CNTRL: variants seen among roughly 807,000 people sequenced by gnomAD.
CNTRL encodes the protein 110 kDa centrosomal protein.
CNTRL carries 233 observed loss-of-function variants against 303.7 expected under a neutral mutation model. The observed-to-expected ratio is 0.77, with a 90% CI of 0.69 to 0.86. The LOEUF is 0.86. Ranked by LOEUF, CNTRL falls within the 40% of genes least tolerant of loss-of-function variation. CNTRL has a pLI of 0.00. For synonymous variants in CNTRL, 900 were observed against 922.2 expected (o/e 0.98, Z 0.44); for missense variants, 2,524 against 2,650.6 (o/e 0.95, Z 1.05).
intron 28 of CNTRL, 56 bp downstream of exon 28, chr9:121,157,656 T>C: frequency 6.2e-7 from 1 of 1,605,676 alleles, no homozygotes; most frequent in Non-Finnish European, 8.5e-7. Flanking sequence ...AAAAGTTTGC[T>C]TCTAAGGGGA....
intron 40 of CNTRL, 112 bp downstream of exon 40, chr9:121,171,660 A>G: frequency 9.1e-7 from 1 of 1,101,616 alleles, no homozygotes; most frequent in Non-Finnish European, 1.2e-6. Flanking sequence ...AAAGCTGATT[A>G]TAAGAATGTT....
chr9:121,098,481 T>G lies in CNTRL; in HGVS notation c.717T>G (p.Phe239Leu), dbSNP rs761555576. Residue 239 changes from phenylalanine to leucine, a missense_variant, in exon 7 of 44, where the codon TTT becomes TTG. Transcript: ENST00000373855. ...TGACCCTTCCTCATTACCTCCAGTTTACCATTTTCCACCTCCGTTCATTGG... is the reference window on the plus strand; with the variant it reads ...TGACCCTTCCTCATTACCTCCAGTTGACCATTTTCCACCTCCGTTCATTGG... ...PVVTLPHYLQ[F>L]TIFHLRSLES... 6.2e-7 allele frequency: 1 copy of G among 1,613,910 alleles called. No individual in the cohort carries two copies. Among genetic ancestry groups the G allele is most frequent in the Admixed American group, 1.7e-5 (1 of 60,024 alleles).
At position 121,171,515 on chromosome 9, in the gene CNTRL, G is replaced by T. The variant is rs144962521; in HGVS notation, c.6384G>T (p.Gln2128His). ...RARRLMKELN[Q>H]MQYEYTELKK... is the part of the protein sequence containing the mutation. Reference sequence around the variant, plus strand: ...GGCGCCTGATGAAGGAGCTCAACCAGATGCAGTATGAGTACACGGAGCTCA... The same window carrying T: ...GGCGCCTGATGAAGGAGCTCAACCATATGCAGTATGAGTACACGGAGCTCA... The change falls in exon 40 of 44, where the codon CAG becomes CAT. Residue 2128 changes from glutamine to histidine, a missense_variant. By Grantham distance (24) the Gln-to-His change is conservative. Coordinates refer to ENST00000373855, the MANE Select transcript of CNTRL (RefSeq NM_007018.6). The T allele has an allele frequency of 8.3e-4, 1,346 of 1,613,994 alleles. 23 individuals are homozygous for T. In the African/African-American group the frequency reaches 0.016, roughly 19 times the overall value.
At chr9:121,123,394 A>G (rs1342707060) in intron 12 of CNTRL, among the ~76,000 whole-genome samples, 1 of 152,174 alleles carries the variant, frequency 6.6e-6, no homozygotes, top group South Asian at 2.1e-4. Flanking sequence ...AGCCTGGCCA[A>G]CATGGTGAAA....
In CNTRL at chr9:121,161,927, C is replaced by G. The variant is rs1344650091; in HGVS notation, c.5161C>G (p.Gln1721Glu). ...ELQGLKLQHD[Q>E]RVSELEKTQV... ...ACAAGGTTTGAAGCTACAACATGAC[C>G]AAAGGGTATCTGAATTAGAGAAGAC... Residue 1721 changes from glutamine (Q) to glutamate (E), a missense_variant, in exon 33 of 44, where the codon CAA (glutamine) becomes GAA (glutamate). Transcript: ENST00000373855. The G allele has an allele frequency of 6.2e-7, 1 of 1,614,096 alleles. No individual in the cohort carries two copies.
At chr9:121,122,304 T>G in intron 12 of CNTRL, 1 of 574,594 alleles carries the variant, frequency 1.7e-6, no homozygotes, top group Non-Finnish European at 2.2e-6. Context: ...ATTTTGGGAG[T>G]GTAGGGAAAA....
intron 2 of CNTRL, among the ~76,000 whole-genome samples, chr9:121,081,410 ACTGT>A (rs2048136439): frequency 6.6e-6 from 1 of 152,200 alleles, no homozygotes; most frequent in East Asian, 1.9e-4. Flanking sequence ...CAATTCTGAC[ACTGT>A]CTGCCTGAAG....
At chr9:121,138,299 T>G (rs2051306941) in intron 15 of CNTRL, among the ~76,000 whole-genome samples, 1 of 152,148 alleles carries the variant, frequency 6.6e-6, no homozygotes, top group Non-Finnish European at 1.5e-5. Context: ...CCCCTGAAGA[T>G]TCTGATTTGG....
chr9:121,161,316 G>T, intron 32 of CNTRL: 1 of 425,536 alleles, frequency 2.3e-6, no homozygotes, highest in South Asian at 6.9e-5. Context: ...TCTATGATCA[G>T]AAAAAAAGTT....
intron 12 of CNTRL, chr9:121,121,709 C>T: frequency 2.3e-6 from 2 of 857,732 alleles, no homozygotes; most frequent in Non-Finnish European, 1.4e-6. Flanking sequence ...TGATTTAACT[C>T]GCGGAGGGTG....
At position 121,135,843 on chromosome 9, in the gene CNTRL, A is replaced by G; in HGVS notation, c.2063A>G (p.His688Arg). The change falls in exon 15 of 44, where the codon CAT becomes CGT. Residue 688 changes from histidine to arginine, a missense_variant. His to Arg is a conservative substitution (Grantham distance 29). Coordinates refer to ENST00000373855, the MANE Select transcript of CNTRL (RefSeq NM_007018.6). Reference sequence around the variant, plus strand: ...CTAGAAAGTGCCCTCCAAGAGCAGCATGAGGTGAATGCATCTTTGCAGCAG... The same window carrying G: ...CTAGAAAGTGCCCTCCAAGAGCAGCGTGAGGTGAATGCATCTTTGCAGCAG... ...AELESALQEQ[H>R]EVNASLQQTQ... 1 of 1,613,946 alleles carries G rather than the reference A, an allele frequency of 6.2e-7. No individual in the cohort carries two copies. The highest frequency in any genetic ancestry group is 8.5e-7 in the Non-Finnish European group (1 of 1,179,908).
At chr9:121,108,277 C>T (rs1588127064) in intron 8 of CNTRL, among the ~76,000 whole-genome samples, 1 of 152,106 alleles carries the variant, frequency 6.6e-6, no homozygotes, top group Non-Finnish European at 1.5e-5. Context: ...ATTTAGAAGG[C>T]GATCTGGCAA....
At chr9:121,119,888 C>T (rs555067064) in intron 12 of CNTRL, among the ~76,000 whole-genome samples, 7 of 152,214 alleles carry the variant, frequency 4.6e-5, no homozygotes, top group South Asian at 2.1e-4. Context: ...TTCCACTGAA[C>T]GTATTTGTTT....
Position 121,169,620 on chromosome 9 carries a change from T to C in CNTRL, c.6080T>C (p.Leu2027Pro), listed in dbSNP as rs756499680. 3 of 1,614,028 alleles carry C rather than the reference T, an allele frequency of 1.9e-6. No homozygotes were observed. In the East Asian group the frequency reaches 6.7e-5, roughly 36 times the overall value. ...AAAATGCTCATTTCAGAACGGCAGCTTTCAGAAAGGGAGCAGCAATTGGTG... is the reference window on the plus strand; with the variant it reads ...AAAATGCTCATTTCAGAACGGCAGCCTTCAGAAAGGGAGCAGCAATTGGTG... Reference protein sequence around the residue: ...EKTLSQTKRQLSEREQQLVEK... With the variant: ...EKTLSQTKRQPSEREQQLVEK... Residue 2027 changes from leucine to proline, a missense_variant, in exon 39 of 44, where the codon CTT becomes CCT. Leu to Pro is a moderately conservative substitution (Grantham distance 98, BLOSUM62 -3). Coordinates refer to ENST00000373855, the MANE Select transcript of CNTRL (RefSeq NM_007018.6).
rs750735478 is a variant in CNTRL at position 121,135,888 on chromosome 9, C to A, written c.2108C>A (p.Ala703Asp). The change falls in exon 15 of 44, where the codon GCC becomes GAC. Residue 703 changes from alanine (A) to aspartate (D), a missense_variant. Physicochemically the swap from Ala to Asp is moderately radical, Grantham distance 126. Transcript: ENST00000373855. ...SLQQTQGDLS[A>D]YEAELEARLN... ...CAGCAGACCCAGGGAGATCTCAGTG[C>A]CTATGAAGCTGAGCTAGAGGCTCGG... is the stretch of plus-strand genomic sequence containing the variant. 6.2e-7 allele frequency: 1 copy of A among 1,613,942 alleles called. No individual in the cohort carries two copies. Among genetic ancestry groups the A allele is most frequent in the Admixed American group, 1.7e-5 (1 of 60,010 alleles).
At chr9:121,165,763 T>A (rs1418676703) in intron 35 of CNTRL, among the ~76,000 whole-genome samples, 2 of 152,212 alleles carry the variant, frequency 1.3e-5, no homozygotes, top group Non-Finnish European at 2.9e-5. Flanking sequence ...AAAGCCAATA[T>A]AGATAAAAAA....
chr9:121,107,710 T>A (rs2049544055), intron 7 of CNTRL, 92 bp from the exon 8 acceptor site: 2 of 837,946 alleles, frequency 2.4e-6, no homozygotes, highest in East Asian at 6.1e-5. Flanking sequence ...ACAATATTTT[T>A]AGACTTTTTT....
chr9:121,101,402 T>C (rs538900813), intron 7 of CNTRL, among the ~76,000 whole-genome samples: 20 of 152,058 alleles, frequency 1.3e-4, no homozygotes, highest in Non-Finnish European at 2.9e-4. Flanking sequence ...TTTAAAGCAG[T>C]GTGTAGAGGG....
Position 121,141,475 on chromosome 9 carries a change from G to A in CNTRL, c.2578G>A (p.Glu860Lys). 1.2e-6 allele frequency: 2 copies of A among 1,614,084 alleles called. No individual in the cohort carries two copies. The highest frequency in any genetic ancestry group is 1.1e-5 in the South Asian group (1 of 91,086). Residue 860 changes from glutamate to lysine, a missense_variant, in exon 18 of 44, where the codon GAA becomes AAA. Transcript: ENST00000373855. ...TGCACGCTCCAAGTGGGAAAGAGAT[G>A]AAGCACAAGTTAGAGAGAGAAAACT... ...ILARSKWERD[E>K]AQVRERKLQE...
Sources: gnomAD v4.1 joint callset for allele counts (sites outside exome capture counted in the v4.1 genomes callset) on GRCh38, gnomAD v4.1.1 for gene constraint, MANE v1.5 for transcripts, NCBI Gene and HGNC (gene_info 2026-07-23, HGNC 2026-07-21) for gene names.